The following DAZAP1 variants were observed in gnomAD, a reference collection of about 807,000 sequenced individuals.
DAZAP1 encodes DAZ associated protein 1.
A neutral mutation model predicts 60.1 loss-of-function variants in DAZAP1; 6 were observed. The ratio of observed to expected loss-of-function variants is 0.10; its 90% CI spans 0.05 to 0.20. DAZAP1 has a LOEUF of 0.20. DAZAP1 is among the 10% of genes least tolerant of loss of function. The pLI, the probability that DAZAP1 is intolerant of heterozygous loss-of-function variation, is 1.00. For missense variants in DAZAP1, 366 were observed against 560.4 expected (o/e 0.65, Z 3.50); for synonymous variants, 235 against 215.9 (o/e 1.09, Z -0.78).
intron 1 of DAZAP1, among the ~76,000 whole-genome samples, chr19:1,410,585 G>C (rs1319045221): frequency 6.6e-6 from 1 of 152,228 alleles, no homozygotes; most frequent in African/African-American, 2.4e-5. Context: ...TTGGATTCTG[G>C]GAAGCTGACA....
intron 6 of DAZAP1, among the ~76,000 whole-genome samples, chr19:1,424,674 C>G (rs1301169983): frequency 6.6e-6 from 1 of 152,072 alleles, no homozygotes; most frequent in African/African-American, 2.4e-5. Flanking sequence ...GTTCACGCCT[C>G]ACGCCCGTGC....
rs2083476241 is a variant in DAZAP1, at chr19:1,432,444, G to T, written c.872-70G>T. ...CTGGGCAGCTCCTGCTGGGCTGGGT[G>T]TGGGTCTCCTGCTGGTCTGCCCCCA... On this transcript the variant is annotated intron_variant, in intron 10 of 11. Coordinates refer to ENST00000233078, the MANE Select transcript of DAZAP1 (RefSeq NM_018959.4). This position sits in a 1 kb window ranked among gnomAD's most constrained non-coding sequence, Gnocchi z 4.9. The T allele has an allele frequency of 1.3e-6, 2 of 1,542,068 alleles. No homozygotes were observed. The highest frequency in any genetic ancestry group is 3.3e-5 in the Admixed American group (2 of 59,734).
chr19:1,425,422 C>T lies in DAZAP1; in HGVS notation c.464-456C>T, dbSNP rs563076581. ...AGATGGCGCATTCCACGCGGGCCCC[C>T]GGCCTGCAGGGTTCACTGGCAATCT... On this transcript the variant is annotated intron_variant, in intron 6 of 11. Coordinates refer to ENST00000233078, the MANE Select transcript of DAZAP1 (RefSeq NM_018959.4). This position sits in a 1 kb window ranked among gnomAD's most constrained non-coding sequence, Gnocchi z 5.4. Among the ~76,000 whole-genome samples the T allele has an allele frequency of 5.4e-4, 82 of 152,328 alleles. No individual in the cohort carries two copies. The highest frequency in any genetic ancestry group is 1.9e-3 in the African/African-American group (77 of 41,578).
At chr19:1,417,364 G>A (rs1255195356) in intron 1 of DAZAP1, 136 bp from the exon 2 acceptor site, 2 of 931,174 alleles carry the variant, frequency 2.1e-6, no homozygotes, top group African/African-American at 3.3e-5. Context: ...TGTGAGCTTT[G>A]TATGCCGTCA....
At position 1,428,835 on chromosome 19, in the gene DAZAP1, T is replaced by G; in HGVS notation, c.547-7T>G. On this transcript the variant is annotated splice_polypyrimidine_tract_variant and splice_region_variant and intron_variant, in intron 7 of 11. Coordinates refer to ENST00000233078, the MANE Select transcript of DAZAP1 (RefSeq NM_018959.4). This position sits in a 1 kb window ranked among gnomAD's most constrained non-coding sequence, Gnocchi z 4.0. ...CCTCGCCCTAAACCAGAGCTCGGTT[T>G]GTTTAGGTGGAAGTTAAACGAGCTG... 1 of 1,612,652 alleles carries G rather than the reference T, an allele frequency of 6.2e-7. No homozygotes were observed. The highest frequency in any genetic ancestry group is 8.5e-7 in the Non-Finnish European group (1 of 1,179,758).
At chr19:1,417,434 C>T (rs117604975) in intron 1 of DAZAP1, 66 bp from the exon 2 acceptor site, 13 of 1,543,130 alleles carry the variant, frequency 8.4e-6, no homozygotes, top group Non-Finnish European at 1.1e-5. Flanking sequence ...CTCAGCTTGG[C>T]TTGGATGGGG....
Position 1,425,148 on chromosome 19 carries a change from T to C in DAZAP1, c.464-730T>C, listed in dbSNP as rs533744732. Among the ~76,000 whole-genome samples the C allele has an allele frequency of 6.6e-6, 1 of 152,366 alleles. No homozygotes were observed. Among genetic ancestry groups the C allele is most frequent in the South Asian group, 2.1e-4 (1 of 4,830 alleles). On this transcript the variant is annotated intron_variant, in intron 6 of 11. Coordinates refer to ENST00000233078, the MANE Select transcript of DAZAP1 (RefSeq NM_018959.4). The surrounding 1 kb of genome is among the most constrained non-coding windows in gnomAD (Gnocchi z 5.4). ...CGTTGTGGCCTGTATCTTTGTGCAT[T>C]GTTTCTCTACCTGTATAGAACATGC...
chr19:1,434,654 G>A lies in DAZAP1; in HGVS notation c.1049-83G>A, dbSNP rs1321228361. The stretch of plus-strand genomic sequence containing the variant: ...CCCGTGGACTCAAGGCAGGCTCGGC[G>A]GAGCTGTGTCCAGGTGGCCTCGCTC... On this transcript the variant is annotated intron_variant, in intron 11 of 11. Coordinates refer to ENST00000233078, the MANE Select transcript of DAZAP1 (RefSeq NM_018959.4). This position sits in a 1 kb window ranked among gnomAD's most constrained non-coding sequence, Gnocchi z 8.0. 6.1e-6 allele frequency: 9 copies of A among 1,476,016 alleles called. No individual in the cohort carries two copies. Among genetic ancestry groups the A allele is most frequent in the East Asian group, 2.4e-5 (1 of 41,618 alleles). 91.4% of individuals were successfully genotyped at this position (1,476,016 alleles called of 1,614,324 possible). A position where few individuals can be genotyped will look rare whatever the true frequency, so the allele number is the denominator to read the frequency against.
chr19:1,421,066 A>G (rs968730355), intron 4 of DAZAP1, 82 bp from the exon 5 acceptor site: 1 of 1,246,474 alleles, frequency 8.0e-7, no homozygotes, highest in Non-Finnish European at 1.2e-6. Flanking sequence ...ACCAGCGCGG[A>G]TTGGCCTTTA....
In DAZAP1 at chr19:1,425,173, C is replaced by G. The variant is rs1020833527; in HGVS notation, c.464-705C>G. 3.3e-5 allele frequency among the ~76,000 whole-genome samples: 5 copies of G among 152,204 alleles called. No individual in the cohort carries two copies. The highest frequency in any genetic ancestry group is 5.9e-5 in the Non-Finnish European group (4 of 68,028). On this transcript the variant is annotated intron_variant, in intron 6 of 11. Transcript: ENST00000233078. The surrounding 1 kb of genome is among the most constrained non-coding windows in gnomAD (Gnocchi z 5.4). ...TGTTTCTCTACCTGTATAGAACATG[C>G]ATAGATGTCTACGATATGACCTCTT...
Position 1,416,611 on chromosome 19 carries a change from G to A in DAZAP1, c.30-889G>A, listed in dbSNP as rs1172548659. On this transcript the variant is annotated intron_variant, in intron 1 of 11. Coordinates refer to ENST00000233078, the MANE Select transcript of DAZAP1 (RefSeq NM_018959.4). This position sits in a 1 kb window ranked among gnomAD's most constrained non-coding sequence, Gnocchi z 4.3. The stretch of plus-strand genomic sequence containing the variant: ...GTGGGTGCCATGGCTGACTCAAGGT[G>A]GCACAGTCCCCATTGGGAGTTGGCA... The A allele has an allele frequency of 6.6e-6, 1 of 152,126 alleles. No individual in the cohort carries two copies. The highest frequency in any genetic ancestry group is 1.5e-5 in the Non-Finnish European group (1 of 68,072). 9.4% of individuals were successfully genotyped at this position (152,126 alleles called of 1,614,324 possible). A position where few individuals can be genotyped will look rare whatever the true frequency, so the allele number is the denominator to read the frequency against.
chr19:1,432,827 T>A lies in DAZAP1; in HGVS notation c.1048+137T>A, dbSNP rs1600251851. ...AAAGGGGAGAGGGAGGAGAGGGGGGTGTGGGGGTTGTTGGAGAGATCTCGT... is the reference window on the plus strand; with the variant it reads ...AAAGGGGAGAGGGAGGAGAGGGGGGAGTGGGGGTTGTTGGAGAGATCTCGT... On this transcript the variant is annotated intron_variant, in intron 11 of 11. Coordinates refer to ENST00000233078, the MANE Select transcript of DAZAP1 (RefSeq NM_018959.4). This position sits in a 1 kb window ranked among gnomAD's most constrained non-coding sequence, Gnocchi z 4.9. 9 of 1,054,090 alleles carry A rather than the reference T, an allele frequency of 8.5e-6. No individual in the cohort carries two copies. In the South Asian group the frequency reaches 1.1e-4, roughly 13 times the overall value. The allele number at this position is 1,054,090 out of a possible 1,614,324, so 65.3% of individuals were successfully genotyped here.
At chr19:1,421,821 C>T (rs143632442) in intron 5 of DAZAP1, among the ~76,000 whole-genome samples, 3 of 152,334 alleles carry the variant, frequency 2.0e-5, no homozygotes, top group African/African-American at 7.2e-5. Flanking sequence ...TGCCTGAGTA[C>T]TGCGCACGTT....
chr19:1,407,648 C>T lies in DAZAP1; in HGVS notation c.-126C>T, dbSNP rs978015072. ...GCCGCCGCCGCCGCCGCCGCCGCCG[C>T]CGCCGCCGCCGCCGTTGCGCAGATC... On this transcript the variant is annotated 5_prime_UTR_variant, in exon 1 of 12. Coordinates refer to ENST00000233078, the MANE Select transcript of DAZAP1 (RefSeq NM_018959.4). 5.3e-6 allele frequency: 5 copies of T among 948,884 alleles called. No individual in the cohort carries two copies. Among genetic ancestry groups the T allele is most frequent in the Non-Finnish European group, 6.3e-6 (5 of 794,256 alleles). 58.8% of individuals were successfully genotyped at this position (948,884 alleles called of 1,614,324 possible). A position where few individuals can be genotyped will look rare whatever the true frequency, so the allele number is the denominator to read the frequency against.
chr19:1,430,094 G>A, intron 9 of DAZAP1, 98 bp downstream of exon 9: 1 of 1,578,088 alleles, frequency 6.3e-7, no homozygotes, highest in Non-Finnish European at 8.7e-7. Flanking sequence ...TGGTTCCCGT[G>A]TCCTGAGTGC....
intron 1 of DAZAP1, among the ~76,000 whole-genome samples, chr19:1,411,260 C>T (rs1291269353): frequency 2.0e-5 from 3 of 152,222 alleles, no homozygotes; most frequent in Non-Finnish European, 4.4e-5. Context: ...GCACTCTGGC[C>T]TGGATCACTC....
At chr19:1,411,857 C>T (rs377737418) in intron 1 of DAZAP1, among the ~76,000 whole-genome samples, 45 of 152,336 alleles carry the variant, frequency 3.0e-4, no homozygotes, top group African/African-American at 1.1e-3. Flanking sequence ...TGGTGCGACC[C>T]GTCAATCTGA....
Position 1,432,710 on chromosome 19 carries a change from G to A in DAZAP1, c.1048+20G>A, listed in dbSNP as rs961918110. 6.4e-7 allele frequency: 1 copy of A among 1,571,628 alleles called. No individual in the cohort carries two copies. The highest frequency in any genetic ancestry group is 1.3e-5 in the African/African-American group (1 of 74,082). Reference sequence around the variant, plus strand: ...AGTATGGTAAGTGGTCTCCTGCCATGCCGCGTCCCCGCTGGCCCCAGGACC... The same window carrying A: ...AGTATGGTAAGTGGTCTCCTGCCATACCGCGTCCCCGCTGGCCCCAGGACC... On this transcript the variant is annotated intron_variant, in intron 11 of 11. Transcript: ENST00000233078. The surrounding 1 kb of genome is among the most constrained non-coding windows in gnomAD (Gnocchi z 4.9).
At chr19:1,420,760 A>G (rs2083133021) in intron 4 of DAZAP1, among the ~76,000 whole-genome samples, 1 of 152,216 alleles carries the variant, frequency 6.6e-6, no homozygotes, top group Non-Finnish European at 1.5e-5. Context: ...CCTGAAATCC[A>G]GCTTCCTCTC....
Sources: allele counts gnomAD v4.1 joint callset (sites outside exome capture counted in the v4.1 genomes callset), GRCh38; gene constraint gnomAD v4.1.1; non-coding constraint Gnocchi (gnomAD v3.1); transcripts MANE v1.5; gene names NCBI Gene and HGNC (gene_info 2026-07-23, HGNC 2026-07-21).